The following SRBD1 variants were observed in gnomAD, a reference collection of about 807,000 sequenced individuals.
SRBD1 encodes the protein S1 RNA binding domain 1.
Under a neutral mutation model 115.3 loss-of-function variants are expected in SRBD1, and 88 were observed. That is an observed-to-expected ratio of 0.76 (90% CI 0.64 to 0.91). SRBD1 has a LOEUF of 0.91. SRBD1 is among the 40% of genes least tolerant of loss of function. The probability of loss-of-function intolerance (pLI) is 0.00; values close to 1 mark genes in which losing one functional copy is unlikely to be tolerated. For synonymous variants in SRBD1, 509 were observed against 407.7 expected, an observed-to-expected ratio of 1.25 and a Z score of -2.99; for missense variants, 1,385 against 1,177.4, an observed-to-expected ratio of 1.18 and a Z score of -2.58.
At position 45,571,517 on chromosome 2, in the gene SRBD1, C is replaced by CAA. The variant is rs58100763; in HGVS notation, c.1305+1688_1305+1689dup. 1.4e-3 allele frequency among the ~76,000 whole-genome samples: 57 copies of CAA among 39,388 alleles called. 2 individuals carry two copies. Among genetic ancestry groups the CAA allele is most frequent in the East Asian group, 5.6e-3 (6 of 1,066 alleles). The allele number at this position is 39,388 out of a possible 152,430, so 25.8% of individuals were successfully genotyped here. On this transcript the variant is annotated intron_variant, in intron 9 of 20. Transcript: ENST00000263736. ...AAAATACAACATATCCAGACTTTAC[C>CAA]AAAAAAAAAAAAAAAAAAAAAAAAA...
chr2:45,457,921 C>T (rs1669202402), intron 16 of SRBD1, among the ~76,000 whole-genome samples: 1 of 151,984 alleles, frequency 6.6e-6, no homozygotes, highest in East Asian at 1.9e-4. Context: ...ACAAAATATG[C>T]TTTTCAAAAT....
chr2:45,589,450 C>G (rs185382938), intron 4 of SRBD1, among the ~76,000 whole-genome samples: 6 of 152,146 alleles, frequency 3.9e-5, no homozygotes, highest in African/African-American at 1.4e-4. Context: ...GAAAGATAGG[C>G]AAGATTCTGA....
At chr2:45,437,987 T>TG (rs1668551954) in intron 16 of SRBD1, among the ~76,000 whole-genome samples, 1 of 152,182 alleles carries the variant, frequency 6.6e-6, no homozygotes, top group Non-Finnish European at 1.5e-5. Context: ...AAACCCATAA[T>TG]GTGTAACATT....
At chr2:45,547,013 C>CA (rs1672142325) in intron 13 of SRBD1, among the ~76,000 whole-genome samples, 174 bp from the exon 14 acceptor site, 1 of 151,958 alleles carries the variant, frequency 6.6e-6, no homozygotes, top group Non-Finnish European at 1.5e-5. Flanking sequence ...GAATAAAAGA[C>CA]ACTGCCCTGC....
At chr2:45,481,885 T>G (rs1302221582) in intron 15 of SRBD1, among the ~76,000 whole-genome samples, 1 of 152,144 alleles carries the variant, frequency 6.6e-6, no homozygotes, top group Non-Finnish European at 1.5e-5. Context: ...TATGATTTCA[T>G]TTATATGAAC....
At chr2:45,571,630 G>A (rs964609036) in intron 9 of SRBD1, among the ~76,000 whole-genome samples, 3 of 148,896 alleles carry the variant, frequency 2.0e-5, no homozygotes, top group African/African-American at 4.9e-5. Flanking sequence ...AGAAAATCAT[G>A]AACAGAGACC....
intron 14 of SRBD1, among the ~76,000 whole-genome samples, chr2:45,542,262 C>T (rs1221236534): frequency 6.6e-6 from 1 of 152,254 alleles, no homozygotes; most frequent in Non-Finnish European, 1.5e-5. Flanking sequence ...TGCCTAGGCT[C>T]GGCCACAACT....
intron 14 of SRBD1, among the ~76,000 whole-genome samples, 182 bp from the exon 15 acceptor site, chr2:45,488,513 T>C (rs1232991635): frequency 6.6e-6 from 1 of 152,246 alleles, no homozygotes; most frequent in Non-Finnish European, 1.5e-5. Context: ...ATGCAGTGTT[T>C]GTTTTTTTCA....
chr2:45,550,186 GATTA>G, intron 12 of SRBD1, among the ~76,000 whole-genome samples: 1 of 152,104 alleles, frequency 6.6e-6, no homozygotes, highest in African/African-American at 2.4e-5. Flanking sequence ...CAGGATAGAG[GATTA>G]ATTAACTTAG....
At chr2:45,392,539 A>C (rs1667032522) in intron 20 of SRBD1, among the ~76,000 whole-genome samples, 1 of 152,232 alleles carries the variant, frequency 6.6e-6, no homozygotes, top group African/African-American at 2.4e-5. Flanking sequence ...ACAGAATCCA[A>C]GAACTTGGAA....
At chr2:45,470,191 A>C (rs563600596) in intron 16 of SRBD1, among the ~76,000 whole-genome samples, 77 of 152,338 alleles carry the variant, frequency 5.1e-4, no homozygotes, top group African/African-American at 1.7e-3. Flanking sequence ...TCCATTTAAT[A>C]ATCTCTACAT....
At chr2:45,498,627 T>C (rs1670533091) in intron 14 of SRBD1, among the ~76,000 whole-genome samples, 1 of 152,172 alleles carries the variant, frequency 6.6e-6, no homozygotes, top group South Asian at 2.1e-4. Context: ...TACGGAATAC[T>C]AGAACTTATT....
At chr2:45,501,359 T>C (rs758743762) in intron 14 of SRBD1, among the ~76,000 whole-genome samples, 1 of 152,218 alleles carries the variant, frequency 6.6e-6, no homozygotes, top group African/African-American at 2.4e-5. Context: ...AGCTCCAGTC[T>C]ACAGCTCCCT....
chr2:45,433,755 C>T (rs183035727), intron 16 of SRBD1, among the ~76,000 whole-genome samples: 12 of 152,342 alleles, frequency 7.9e-5, no homozygotes, highest in East Asian at 1.9e-4. Context: ...CCTATGTGTT[C>T]TAGCTCCTGA....
chr2:45,434,898 C>G (rs1668443292), intron 16 of SRBD1, among the ~76,000 whole-genome samples: 1 of 151,808 alleles, frequency 6.6e-6, no homozygotes, highest in East Asian at 1.9e-4. Context: ...TTAGGTATTT[C>G]TCCTAATGCT....
At chr2:45,593,081 G>C (rs1012713132) in intron 4 of SRBD1, among the ~76,000 whole-genome samples, 4 of 152,108 alleles carry the variant, frequency 2.6e-5, no homozygotes, top group Non-Finnish European at 4.4e-5. Flanking sequence ...AGGAATGAGA[G>C]TAAAGGGGAA....
chr2:45,414,748 ACACACACACAGTGTG>A lies in SRBD1; in HGVS notation c.2334-1470_2334-1456del, dbSNP rs1156867568. On this transcript the variant is annotated intron_variant, in intron 18 of 20. Transcript: ENST00000263736. The stretch of plus-strand genomic sequence containing the variant: ...CACACACAGTGTGTATATAGTATGT[ACACACACACAGTGTG>A]TATATAGTATGTACACACACACATA... Among the ~76,000 whole-genome samples, 184 of 135,498 alleles carry A rather than the reference ACACACACACAGTGTG, an allele frequency of 1.4e-3. 8 individuals are homozygous for A. The highest frequency in any genetic ancestry group is 2.5e-3 in the African/African-American group (77 of 31,176). 88.9% of individuals were successfully genotyped at this position (135,498 alleles called of 152,430 possible).
At chr2:45,479,342 G>A (rs1004643701) in intron 15 of SRBD1, among the ~76,000 whole-genome samples, 1 of 152,204 alleles carries the variant, frequency 6.6e-6, no homozygotes, top group African/African-American at 2.4e-5. Context: ...AGCCAAGAAA[G>A]GCTGAAAGGT....
At chr2:45,502,169 A>G (rs1251160057) in intron 14 of SRBD1, among the ~76,000 whole-genome samples, 2 of 152,200 alleles carry the variant, frequency 1.3e-5, no homozygotes, top group Non-Finnish European at 2.9e-5. Context: ...GCTGATACCC[A>G]GGCAAACAGG....
Sources: allele counts gnomAD v4.1 joint callset (sites outside exome capture counted in the v4.1 genomes callset), GRCh38; gene constraint gnomAD v4.1.1; transcripts MANE v1.5; gene names NCBI Gene and HGNC (gene_info 2026-07-23, HGNC 2026-07-21).